CNBD1: variants seen among roughly 807,000 people sequenced by gnomAD.
CNBD1 encodes cyclic nucleotide-binding domain-containing protein 1.
A neutral mutation model predicts 54.4 loss-of-function variants in CNBD1; 71 were observed. The ratio of observed to expected loss-of-function variants is 1.30; its 90% confidence interval spans 1.08 to 1.59. CNBD1 has a LOEUF of 1.59. Among genes scored for constraint, CNBD1 ranks in the 40% most tolerant of loss-of-function variants. The pLI is 0.00. For synonymous variants in CNBD1, 182 were observed against 170.7 expected (o/e 1.07, Z -0.51); for missense variants, 659 against 518.0 (o/e 1.27, Z -2.64).
intron 4 of CNBD1, among the ~76,000 whole-genome samples, chr8:87,110,389 C>T (rs199867995): frequency 6.6e-6 from 1 of 152,220 alleles, no homozygotes; most frequent in South Asian, 2.1e-4. Context: ...TTGCTCTGGA[C>T]CCCACCCAAA....
intron 4 of CNBD1, among the ~76,000 whole-genome samples, chr8:87,087,247 G>GTATATATATATATACGTA (rs1554553576): frequency 3.8e-5 from 5 of 132,150 alleles, no homozygotes; most frequent in Non-Finnish European, 7.9e-5. Flanking sequence ...ATATATATAC[G>GTATATATATATATACGTA]TATATATATA....
At chr8:87,284,254 TA>T in intron 6 of CNBD1, among the ~76,000 whole-genome samples, 1 of 152,270 alleles carries the variant, frequency 6.6e-6, no homozygotes, top group African/African-American at 2.4e-5. Flanking sequence ...CAATCATCCA[TA>T]AATATTAATG....
At chr8:86,876,987 A>C (rs1808530128) in intron 1 of CNBD1, among the ~76,000 whole-genome samples, 1 of 152,080 alleles carries the variant, frequency 6.6e-6, no homozygotes, top group African/African-American at 2.4e-5. Context: ...CTATACCTAA[A>C]TCAAATGTCT....
intron 4 of CNBD1, among the ~76,000 whole-genome samples, chr8:87,035,771 T>C (rs67946429): frequency 0.3 from 45,778 of 152,024 alleles, 8,028 homozygotes; most frequent in Admixed American, 0.43. Flanking sequence ...GTCCAGGCAA[T>C]GTATGGCAGC....
chr8:87,140,109 A>G (rs1418796166), intron 4 of CNBD1, among the ~76,000 whole-genome samples: 3 of 152,194 alleles, frequency 2.0e-5, no homozygotes, highest in African/African-American at 7.2e-5. Flanking sequence ...CCCACACAGA[A>G]TAGTCCATTA....
intron 8 of CNBD1, among the ~76,000 whole-genome samples, chr8:87,328,462 C>T (rs1251733994): frequency 6.8e-6 from 1 of 146,366 alleles, no homozygotes; most frequent in Non-Finnish European, 1.5e-5. Context: ...CTGGGCTTTT[C>T]ATTATATTTA....
intron 4 of CNBD1, among the ~76,000 whole-genome samples, chr8:86,959,361 C>A (rs7464389): frequency 6.6e-6 from 1 of 151,890 alleles, no homozygotes; most frequent in South Asian, 2.1e-4. Flanking sequence ...ATCTTCATGG[C>A]GTTCTCTGTA....
intron 8 of CNBD1, among the ~76,000 whole-genome samples, chr8:87,287,088 G>A (rs1051823506): frequency 1.3e-5 from 2 of 152,054 alleles, no homozygotes; most frequent in East Asian, 3.9e-4. Flanking sequence ...ATCTGTACTT[G>A]TGCTACATAT....
intron 1 of CNBD1, among the ~76,000 whole-genome samples, chr8:86,866,978 T>C (rs1477658850): frequency 2.0e-5 from 3 of 152,208 alleles, no homozygotes; most frequent in Non-Finnish European, 2.9e-5. Context: ...TAATTAATAC[T>C]TAATATTCTC....
chr8:87,138,827 T>C (rs932667063), intron 4 of CNBD1, among the ~76,000 whole-genome samples: 8 of 152,206 alleles, frequency 5.3e-5, no homozygotes, highest in Non-Finnish European at 8.8e-5. Context: ...TCCTGGGCAA[T>C]AAAGGATTCA....
intron 4 of CNBD1, among the ~76,000 whole-genome samples, chr8:86,961,139 C>T (rs1807918063): frequency 6.6e-6 from 1 of 152,016 alleles, no homozygotes; most frequent in African/African-American, 2.4e-5. Context: ...AGTAAGTGTA[C>T]AAATAAACAC....
chr8:87,127,133 G>A (rs1337148456), intron 4 of CNBD1, among the ~76,000 whole-genome samples: 1 of 151,810 alleles, frequency 6.6e-6, no homozygotes, highest in South Asian at 2.1e-4. Context: ...AAATCATTTT[G>A]GATATTCTAG....
chr8:86,903,382 G>A (rs1586123609), intron 2 of CNBD1, among the ~76,000 whole-genome samples: 1 of 152,170 alleles, frequency 6.6e-6, no homozygotes, highest in South Asian at 2.1e-4. Context: ...ATTGGAATAG[G>A]ATTCCAAATT....
chr8:86,944,649 A>G (rs1444905617), intron 4 of CNBD1, among the ~76,000 whole-genome samples: 1 of 152,234 alleles, frequency 6.6e-6, no homozygotes, highest in Non-Finnish European at 1.5e-5. Context: ...CATTGTTGTG[A>G]AAGTGCATGA....
intron 8 of CNBD1, among the ~76,000 whole-genome samples, chr8:87,334,370 T>A (rs957236262): frequency 1.3e-5 from 2 of 152,164 alleles, no homozygotes; most frequent in Non-Finnish European, 2.9e-5. Flanking sequence ...TCTGTGTCTC[T>A]ATCTCCTTCA....
rs190952574 is a variant in CNBD1, at chr8:87,392,552, A to G, written c.214-35994A>G. Among the ~76,000 whole-genome samples the G allele has an allele frequency of 1.5e-4, 23 of 152,174 alleles. No homozygotes were observed. In the East Asian group the frequency reaches 3.5e-3, roughly 23 times the overall value. On this transcript the variant is annotated intron_variant, in intron 2 of 7. Transcript: ENST00000521593. ...TTTTGCTAAGTGAAAGAAGTTAGAA[A>G]CAAAAAATTACATATTGTATGATTT...
At chr8:86,969,847 G>A (rs936249776) in intron 4 of CNBD1, among the ~76,000 whole-genome samples, 3 of 151,068 alleles carry the variant, frequency 2.0e-5, no homozygotes, top group Admixed American at 2.0e-4. Context: ...GTGCGTGCAT[G>A]TGTATAAATC....
intron 4 of CNBD1, among the ~76,000 whole-genome samples, chr8:87,000,178 T>C (rs932600322): frequency 6.6e-6 from 1 of 152,154 alleles, no homozygotes; most frequent in South Asian, 2.1e-4. Context: ...TTGGAGGTGA[T>C]TGGATCATGG....
rs537942203 is a variant in CNBD1, at chr8:87,422,045, A to C, written c.214-6501A>C. Among the ~76,000 whole-genome samples the C allele has an allele frequency of 2.0e-4, 29 of 146,940 alleles. 1 individual carries two copies. In the East Asian group the frequency reaches 5.5e-3, roughly 28 times the overall value. ...GGCCAGTGATGATGAGCATTTCTTCATGTGTTTTTTGGCTGCATAAATGTC... is the reference window on the plus strand; with the variant it reads ...GGCCAGTGATGATGAGCATTTCTTCCTGTGTTTTTTGGCTGCATAAATGTC... On this transcript the variant is annotated intron_variant, in intron 2 of 7. Transcript: ENST00000521593.
Sources: gnomAD v4.1 joint callset for allele counts (sites outside exome capture counted in the v4.1 genomes callset) on GRCh38, gnomAD v4.1.1 for gene constraint, MANE v1.5 for transcripts, NCBI Gene and HGNC (gene_info 2026-07-23, HGNC 2026-07-21) for gene names.